TAMM41: variants seen among roughly 807,000 people sequenced by gnomAD.
TAMM41 encodes the protein TAM41 mitochondrial translocator assembly and maintenance homolog.
TAMM41 carries 36 observed loss-of-function variants against 44.1 expected under a neutral mutation model. That is an observed-to-expected ratio of 0.82 (90% CI 0.63 to 1.08). The LOEUF is 1.08. TAMM41 is among the 50% of genes least tolerant of loss of function. The pLI, the probability that TAMM41 is intolerant of heterozygous loss-of-function variation, is 0.00. For synonymous variants in TAMM41, 164 were observed against 153.1 expected, an observed-to-expected ratio of 1.07 and a Z score of -0.53; for missense variants, 417 against 404.3, an observed-to-expected ratio of 1.03 and a Z score of -0.27.
At position 11,833,261 on chromosome 3, in the gene TAMM41, A is replaced by G. The variant is rs1021418246; in HGVS notation, c.412-3397T>C. The G allele has an allele frequency of 5.8e-6, 5 of 863,874 alleles. No homozygotes were observed. The African/African-American group carries it at 9.0e-5, about 16-fold the overall frequency. 53.5% of individuals were successfully genotyped at this position (863,874 alleles called of 1,614,324 possible). A position where few individuals can be genotyped will look rare whatever the true frequency, so the allele number is the denominator to read the frequency against. ...ATTAGCACGACTGCCAGGGAGGAAA[A>G]TCTTTACTGTAGAGAAAGGGGCATT... is the stretch of plus-strand genomic sequence containing the variant. On this transcript the variant is annotated intron_variant, in intron 3 of 7. Transcript: ENST00000455809.
chr3:11,815,905 A>T (rs913724407), intron 5 of TAMM41, among the ~76,000 whole-genome samples: 1 of 152,244 alleles, frequency 6.6e-6, no homozygotes, highest in Admixed American at 6.5e-5. Context: ...GAACGTATGC[A>T]GCACGGAACT....
At chr3:11,811,153 G>GCCA (rs2078075803) in intron 5 of TAMM41, 2 of 152,130 alleles carry the variant, frequency 1.3e-5, no homozygotes, top group South Asian at 4.1e-4. Context: ...GGAGAAAAAT[G>GCCA]TTATTATTTA....
chr3:11,751,114 C>A, the TAMM41 span, among the ~76,000 whole-genome samples: 2 of 135,686 alleles, frequency 1.5e-5, 1 homozygote, highest in South Asian at 4.8e-4. Flanking sequence ...TTTTTGGACA[C>A]AGAGTCTCAC....
chr3:11,814,338 T>A (rs577542356), intron 5 of TAMM41, among the ~76,000 whole-genome samples: 8 of 152,206 alleles, frequency 5.3e-5, no homozygotes, highest in African/African-American at 1.9e-4. Flanking sequence ...TCAAAAGTTA[T>A]AATAAAGATC....
At chr3:11,758,755 C>T in the TAMM41 span, among the ~76,000 whole-genome samples, 1 of 151,294 alleles carries the variant, frequency 6.6e-6, no homozygotes, top group African/African-American at 2.4e-5. Flanking sequence ...CTCACTGCAA[C>T]CCCCGCCTCC....
the TAMM41 span, among the ~76,000 whole-genome samples, chr3:11,737,142 A>C: frequency 9.1e-4 from 138 of 152,094 alleles, 2 homozygotes; most frequent in South Asian, 1.2e-3. Flanking sequence ...ACACCCAGCC[A>C]GTGGGCTCCG....
the TAMM41 span, among the ~76,000 whole-genome samples, chr3:11,757,434 C>T: frequency 1.3e-5 from 2 of 152,198 alleles, no homozygotes; most frequent in South Asian, 2.1e-4. Flanking sequence ...AATCATGCAG[C>T]GGTCAGAGGA....
At chr3:11,768,455 G>A in the TAMM41 span, among the ~76,000 whole-genome samples, 1 of 152,170 alleles carries the variant, frequency 6.6e-6, no homozygotes, top group Non-Finnish European at 1.5e-5. Context: ...TTTTAAAGTC[G>A]TGAATGTACT....
intron 4 of TAMM41, among the ~76,000 whole-genome samples, chr3:11,817,849 A>C (rs1333456629): frequency 1.3e-5 from 2 of 152,242 alleles, no homozygotes; most frequent in Non-Finnish European, 2.9e-5. Flanking sequence ...CTGTAAGAGG[A>C]GGTTTGCATT....
At chr3:11,747,173 C>T in the TAMM41 span, among the ~76,000 whole-genome samples, 1 of 152,138 alleles carries the variant, frequency 6.6e-6, no homozygotes, top group East Asian at 1.9e-4. Context: ...AGCAATTCTC[C>T]TGCCTCAGCC....
chr3:11,735,108 C>T, the TAMM41 span, among the ~76,000 whole-genome samples: 1 of 151,696 alleles, frequency 6.6e-6, no homozygotes, highest in African/African-American at 2.4e-5. Flanking sequence ...ACCTATAATC[C>T]TAGCACTTTG....
chr3:11,817,223 A>C lies in TAMM41; in HGVS notation c.677T>G (p.Val226Gly), dbSNP rs779063717. The change falls in exon 5 of 8, where the codon GTG (valine) becomes GGG (glycine). Residue 226 changes from valine (V) to glycine (G), a missense_variant. Transcript: ENST00000455809. ...CCAGCCTTGCTGGCTTTTATACACC[A>C]CTTGAGGATTTTCCTGTAGTATGCT... is the stretch of plus-strand genomic sequence containing the variant. ...YGSILQENPQ[V>G]VYKSQQGWLE... 6.2e-7 allele frequency: 1 copy of C among 1,612,406 alleles called. No individual in the cohort carries two copies. Among genetic ancestry groups the C allele is most frequent in the East Asian group, 2.2e-5 (1 of 44,874 alleles).
At chr3:11,725,315 T>TCTC in the TAMM41 span, among the ~76,000 whole-genome samples, 1 of 96,388 alleles carries the variant, frequency 1.0e-5, no homozygotes, top group African/African-American at 3.9e-5. Context: ...CTTTTTTTCT[T>TCTC]CTCCTCCTCC....
intron 7 of TAMM41, among the ~76,000 whole-genome samples, chr3:11,792,688 A>G (rs2077508044): frequency 6.6e-6 from 1 of 152,224 alleles, no homozygotes; most frequent in South Asian, 2.1e-4. Flanking sequence ...TAAACAGGAC[A>G]CAAAAAACTG....
chr3:11,726,214 T>G, the TAMM41 span, among the ~76,000 whole-genome samples: 1 of 152,234 alleles, frequency 6.6e-6, no homozygotes, highest in South Asian at 2.1e-4. Flanking sequence ...TCTCTCCTGT[T>G]TTCTTCTCTT....
intron 7 of TAMM41, among the ~76,000 whole-genome samples, chr3:11,801,720 T>C (rs2077759097): frequency 6.6e-6 from 1 of 152,084 alleles, no homozygotes. Flanking sequence ...TTACTAATGT[T>C]TACAGCATTA....
At chr3:11,755,110 A>C in the TAMM41 span, among the ~76,000 whole-genome samples, 5 of 152,058 alleles carry the variant, frequency 3.3e-5, no homozygotes, top group African/African-American at 1.2e-4. Context: ...GCCCTCAAAT[A>C]CAGGCCTCCC....
At chr3:11,737,143 G>A in the TAMM41 span, among the ~76,000 whole-genome samples, 1 of 151,956 alleles carries the variant, frequency 6.6e-6, no homozygotes, top group Non-Finnish European at 1.5e-5. Context: ...CACCCAGCCA[G>A]TGGGCTCCGT....
chr3:11,764,191 T>C, the TAMM41 span, among the ~76,000 whole-genome samples: 1 of 151,650 alleles, frequency 6.6e-6, no homozygotes, highest in Non-Finnish European at 1.5e-5. Flanking sequence ...AGACAGGGTC[T>C]CACTATGTTG....
Sources: gnomAD v4.1 joint callset for allele counts (sites outside exome capture counted in the v4.1 genomes callset) on GRCh38, gnomAD v4.1.1 for gene constraint, MANE v1.5 for transcripts, NCBI Gene and HGNC (gene_info 2026-07-23, HGNC 2026-07-21) for gene names.